Variants in GAB2 observed in about 807,000 individuals in gnomAD.
The protein encoded by GAB2 is GRB2-associated-binding protein 2.
A neutral mutation model predicts 65.5 loss-of-function variants in GAB2; 26 were observed. The observed-to-expected ratio is 0.40, with a 90% CI of 0.29 to 0.55. GAB2 has a LOEUF of 0.55. Ranked by LOEUF, GAB2 falls within the 20% of genes least tolerant of loss-of-function variation. The pLI is 0.53. For missense variants in GAB2, 884 were observed against 875.8 expected, an observed-to-expected ratio of 1.01 and a Z score of -0.12; for synonymous variants, 321 against 329.6, an observed-to-expected ratio of 0.97 and a Z score of 0.28.
chr11:78,316,664 G>T (rs931237770), intron 1 of GAB2, among the ~76,000 whole-genome samples: 2 of 152,240 alleles, frequency 1.3e-5, no homozygotes. Context: ...GGAGAAACTG[G>T]AACCCTTGTG....
At chr11:78,415,672 GGAAA>G (rs1857186030) in intron 1 of GAB2, among the ~76,000 whole-genome samples, 1 of 152,196 alleles carries the variant, frequency 6.6e-6, no homozygotes, top group African/African-American at 2.4e-5. Context: ...ATGGAAGATG[GGAAA>G]GAGAGGCTAA....
intron 2 of GAB2, among the ~76,000 whole-genome samples, chr11:78,268,081 G>A (rs2134559625): frequency 6.6e-6 from 1 of 152,214 alleles, no homozygotes; most frequent in Non-Finnish European, 1.5e-5. Flanking sequence ...AACCAGTGGG[G>A]AGAAGGAAGG....
intron 1 of GAB2, among the ~76,000 whole-genome samples, chr11:78,357,714 CCAGA>C (rs751135093): frequency 7.9e-5 from 12 of 152,078 alleles, no homozygotes; most frequent in Non-Finnish European, 1.8e-4. Context: ...TCATCACTGG[CCAGA>C]CAAATGCAAA....
In GAB2 at chr11:78,234,088, CTTTTT is replaced by C. The variant is rs1429744713; in HGVS notation, c.621-7042_621-7038del. 4.6e-5 allele frequency among the ~76,000 whole-genome samples: 7 copies of C among 152,034 alleles called. No homozygotes were observed. The East Asian group carries it at 7.7e-4, about 17-fold the overall frequency. On this transcript the variant is annotated intron_variant, in intron 3 of 9. Transcript: ENST00000361507. ...TTCTTCTAGAAGTTTCTTTTCTTTT[CTTTTT>C]ATTTAAATACAGGGTCTTATTCTGT... is the stretch of plus-strand genomic sequence containing the variant.
chr11:78,408,658 T>C (rs1430377330), intron 1 of GAB2, among the ~76,000 whole-genome samples: 1 of 152,188 alleles, frequency 6.6e-6, no homozygotes, highest in East Asian at 1.9e-4. Flanking sequence ...GGTCAAATTG[T>C]CATCCCCAAA....
intron 1 of GAB2, among the ~76,000 whole-genome samples, chr11:78,362,098 A>G (rs1856442414): frequency 6.6e-6 from 1 of 151,962 alleles, no homozygotes; most frequent in African/African-American, 2.4e-5. Flanking sequence ...AAAAAAAGCA[A>G]GTATAGAGAA....
chr11:78,371,908 G>C (rs1565176398), intron 1 of GAB2, among the ~76,000 whole-genome samples: 1 of 152,014 alleles, frequency 6.6e-6, no homozygotes, highest in Non-Finnish European at 1.5e-5. Context: ...GTAATATTTG[G>C]GCAAGTGACA....
At chr11:78,267,039 C>T (rs1049519856) in intron 2 of GAB2, among the ~76,000 whole-genome samples, 13 of 152,160 alleles carry the variant, frequency 8.5e-5, no homozygotes, top group Admixed American at 7.9e-4. Flanking sequence ...TTCCAGTGGG[C>T]AGGCGGGCTC....
intron 2 of GAB2, among the ~76,000 whole-genome samples, chr11:78,272,834 G>A (rs1448591309): frequency 6.6e-6 from 1 of 152,124 alleles, no homozygotes; most frequent in Non-Finnish European, 1.5e-5. Context: ...GGTTTTGTGG[G>A]CCGGGCCCAG....
At chr11:78,238,344 AAATT>A (rs1865042278) in intron 3 of GAB2, among the ~76,000 whole-genome samples, 1 of 152,084 alleles carries the variant, frequency 6.6e-6, no homozygotes, top group African/African-American at 2.4e-5. Context: ...TCTCTACAAA[AAATT>A]AATCAAGTAT....
intron 3 of GAB2, among the ~76,000 whole-genome samples, chr11:78,235,741 G>A (rs1344558895): frequency 1.3e-4 from 20 of 152,126 alleles, no homozygotes; most frequent in Admixed American, 1.3e-3. Context: ...ACCTTAGCCT[G>A]GACCTTATTG....
intron 1 of GAB2, among the ~76,000 whole-genome samples, chr11:78,405,591 C>A (rs773201460): frequency 4.6e-5 from 7 of 152,178 alleles, no homozygotes; most frequent in Non-Finnish European, 5.9e-5. Context: ...CAAGACCATA[C>A]ACAGTGGGTA....
At chr11:78,277,627 C>T (rs1866212120) in intron 2 of GAB2, among the ~76,000 whole-genome samples, 1 of 152,222 alleles carries the variant, frequency 6.6e-6, no homozygotes, top group African/African-American at 2.4e-5. Context: ...AAGAATGCCT[C>T]AAGTGGGCAT....
intron 1 of GAB2, among the ~76,000 whole-genome samples, chr11:78,296,474 A>C (rs965545565): frequency 7.2e-5 from 11 of 152,260 alleles, no homozygotes; most frequent in African/African-American, 2.4e-4. Context: ...AGTAAGGCAC[A>C]TTACAGCCTT....
At chr11:78,241,010 A>G (rs1301023855) in intron 3 of GAB2, among the ~76,000 whole-genome samples, 1 of 152,224 alleles carries the variant, frequency 6.6e-6, no homozygotes, top group African/African-American at 2.4e-5. Context: ...TGCTGCAGCT[A>G]CTTGTAGGCC....
chr11:78,258,627 G>T (rs767624485), intron 2 of GAB2, among the ~76,000 whole-genome samples: 1 of 148,560 alleles, frequency 6.7e-6, no homozygotes, highest in Non-Finnish European at 1.5e-5. Context: ...AGACAAGATC[G>T]CGCACTGTTG....
intron 1 of GAB2, among the ~76,000 whole-genome samples, chr11:78,291,444 C>G (rs1364441395): frequency 7.0e-6 from 1 of 143,246 alleles, no homozygotes; most frequent in Non-Finnish European, 1.5e-5. Context: ...CCAGCCTGGG[C>G]AACAGAGCAA....
intron 3 of GAB2, among the ~76,000 whole-genome samples, chr11:78,227,573 T>A (rs2134471793): frequency 6.8e-6 from 1 of 146,354 alleles, no homozygotes; most frequent in African/African-American, 2.6e-5. Flanking sequence ...GGTGGGAGGT[T>A]CACTTGAGGC....
At chr11:78,293,665 T>C (rs751200409) in intron 1 of GAB2, among the ~76,000 whole-genome samples, 1 of 152,146 alleles carries the variant, frequency 6.6e-6, no homozygotes, top group Non-Finnish European at 1.5e-5. Context: ...GCGACAAGCG[T>C]TATGTTCCAA....
Sources: gnomAD v4.1 joint callset for allele counts (sites outside exome capture counted in the v4.1 genomes callset) on GRCh38, gnomAD v4.1.1 for gene constraint, MANE v1.5 for transcripts, NCBI Gene and HGNC (gene_info 2026-07-23, HGNC 2026-07-21) for gene names.